The following FCHSD2 variants were observed in gnomAD, a reference collection of about 807,000 sequenced individuals.
The protein encoded by FCHSD2 is FCH and double SH3 domains 2.
A neutral mutation model predicts 108.1 loss-of-function variants in FCHSD2; 38 were observed. That is an observed-to-expected ratio of 0.35 (90% CI 0.27 to 0.46). FCHSD2 has a LOEUF of 0.46. Among genes scored for constraint, FCHSD2 ranks in the 20% least tolerant of loss-of-function variants. The pLI is 1.00. For missense variants in FCHSD2, 751 were observed against 897.8 expected (o/e 0.84, Z 2.09); for synonymous variants, 279 against 314.7 (o/e 0.89, Z 1.20).
chr11:72,937,112 A>AT (rs1856318770), intron 8 of FCHSD2, among the ~76,000 whole-genome samples: 1 of 152,234 alleles, frequency 6.6e-6, no homozygotes, highest in African/African-American at 2.4e-5. Context: ...GAGGAACAGA[A>AT]TATGAACACA....
chr11:73,081,610 T>C (rs1399822377), intron 3 of FCHSD2, among the ~76,000 whole-genome samples: 1 of 152,052 alleles, frequency 6.6e-6, no homozygotes, highest in Admixed American at 6.5e-5. Context: ...CACTGCAATC[T>C]CCGGCTCCAG....
chr11:72,981,257 A>G (rs1857211144), intron 8 of FCHSD2, among the ~76,000 whole-genome samples: 1 of 152,222 alleles, frequency 6.6e-6, no homozygotes, highest in South Asian at 2.1e-4. Flanking sequence ...CATTAAATGA[A>G]TACTCCAAAG....
chr11:72,942,680 A>T (rs538292265), intron 8 of FCHSD2, among the ~76,000 whole-genome samples: 2 of 152,364 alleles, frequency 1.3e-5, no homozygotes, highest in South Asian at 2.1e-4. Context: ...TATTAAAATT[A>T]AAAAGTATTG....
intron 5 of FCHSD2, among the ~76,000 whole-genome samples, chr11:72,994,591 C>T (rs192839956): frequency 6.6e-6 from 1 of 151,990 alleles, no homozygotes; most frequent in Non-Finnish European, 1.5e-5. Flanking sequence ...CGGTGAAACC[C>T]CGTCTCTACT....
chr11:72,959,374 C>T lies in FCHSD2; in HGVS notation c.705+24714G>A, dbSNP rs1266953204. On this transcript the variant is annotated intron_variant, in intron 8 of 19. Coordinates refer to ENST00000409418, the MANE Select transcript of FCHSD2 (RefSeq NM_014824.3). ...TCTCCCGAGTAGCTGGGACTACAGGCGCCCGCCACCATGCCCGGCTATTTT... is the reference window on the plus strand; with the variant it reads ...TCTCCCGAGTAGCTGGGACTACAGGTGCCCGCCACCATGCCCGGCTATTTT... 2.4e-4 allele frequency among the ~76,000 whole-genome samples: 37 copies of T among 151,090 alleles called. 1 individual carries two copies. The highest frequency in any genetic ancestry group is 1.4e-3 in the Admixed American group (21 of 15,206).
At chr11:73,036,577 T>A (rs908527878) in intron 3 of FCHSD2, among the ~76,000 whole-genome samples, 6 of 152,228 alleles carry the variant, frequency 3.9e-5, no homozygotes, top group Non-Finnish European at 8.8e-5. Flanking sequence ...TAAATTATAA[T>A]CATGATTACT....
intron 2 of FCHSD2, among the ~76,000 whole-genome samples, chr11:73,113,561 G>A (rs1356109270): frequency 6.6e-6 from 1 of 151,830 alleles, no homozygotes; most frequent in Non-Finnish European, 1.5e-5. Context: ...TAGAAACGGG[G>A]TTTCGCCATG....
chr11:72,935,243 A>AAATGG (rs1384811804), intron 8 of FCHSD2, among the ~76,000 whole-genome samples: 1 of 152,188 alleles, frequency 6.6e-6, no homozygotes, highest in Admixed American at 6.6e-5. Flanking sequence ...TTAGGAGGGA[A>AAATGG]AATGGGTCAT....
intron 19 of FCHSD2, 128 bp downstream of exon 19, chr11:72,840,749 T>C (rs1860899866): frequency 1.5e-6 from 1 of 666,222 alleles, no homozygotes; most frequent in Non-Finnish European, 2.6e-6. Context: ...CTTTTTACCT[T>C]CCCAAACCCA....
At chr11:72,869,644 T>A (rs1228389814) in intron 12 of FCHSD2, 1 of 152,250 alleles carries the variant, frequency 6.6e-6, no homozygotes, top group African/African-American at 2.4e-5. Flanking sequence ...GATGCTGAAG[T>A]GAGCACATAC....
intron 5 of FCHSD2, among the ~76,000 whole-genome samples, chr11:72,992,903 C>G (rs960564066): frequency 1.3e-5 from 2 of 152,170 alleles, no homozygotes; most frequent in African/African-American, 4.8e-5. Flanking sequence ...CCAAAATTGA[C>G]AAATAGGATC....
chr11:72,964,257 T>C (rs1342430212), intron 8 of FCHSD2, among the ~76,000 whole-genome samples: 1 of 152,214 alleles, frequency 6.6e-6, no homozygotes, highest in Admixed American at 6.5e-5. Context: ...GAACAACTGG[T>C]TGATGGTTCC....
intron 13 of FCHSD2, among the ~76,000 whole-genome samples, chr11:72,864,903 C>G (rs1238261567): frequency 1.3e-5 from 2 of 152,168 alleles, no homozygotes; most frequent in Non-Finnish European, 2.9e-5. Flanking sequence ...ACACCTGCAA[C>G]TGAGTAACTG....
chr11:73,098,351 T>C (rs1488499054), intron 2 of FCHSD2, among the ~76,000 whole-genome samples: 1 of 152,220 alleles, frequency 6.6e-6, no homozygotes, highest in Non-Finnish European at 1.5e-5. Flanking sequence ...TATTTGCATA[T>C]TTTCTGTCCC....
At chr11:73,046,278 C>G (rs942040964) in intron 3 of FCHSD2, among the ~76,000 whole-genome samples, 2 of 152,082 alleles carry the variant, frequency 1.3e-5, no homozygotes, top group African/African-American at 4.8e-5. Flanking sequence ...AGGTGCAAGC[C>G]ACCATCCCCA....
chr11:72,845,219 G>A (rs1350151928), intron 14 of FCHSD2, among the ~76,000 whole-genome samples: 1 of 152,100 alleles, frequency 6.6e-6, no homozygotes, highest in Non-Finnish European at 1.5e-5. Flanking sequence ...CCAGCAGTTT[G>A]AGACCGGCCT....
At chr11:73,019,163 T>C (rs760566850) in intron 3 of FCHSD2, among the ~76,000 whole-genome samples, 7 of 152,174 alleles carry the variant, frequency 4.6e-5, no homozygotes, top group Admixed American at 1.3e-4. Context: ...ACAGAACACA[T>C]CACACAGAAC....
In FCHSD2 at chr11:72,989,417, C is replaced by CA. The variant is rs201465503; in HGVS notation, c.388-321dup. 6.4e-4 allele frequency among the ~76,000 whole-genome samples: 97 copies of CA among 152,264 alleles called. 1 individual carries two copies. In the East Asian group the frequency reaches 0.012, roughly 19 times the overall value. On this transcript the variant is annotated intron_variant, in intron 5 of 19. Transcript: ENST00000409418. Reference sequence around the variant, plus strand: ...AAAATGTTCTCACTGTTGGAGATATCATGATAATAAAATCAAAAGAATAAG... The same window carrying CA: ...AAAATGTTCTCACTGTTGGAGATATCAATGATAATAAAATCAAAAGAATAAG...
chr11:73,018,085 AG>A (rs1858013914), intron 3 of FCHSD2, among the ~76,000 whole-genome samples: 1 of 152,230 alleles, frequency 6.6e-6, no homozygotes, highest in Admixed American at 6.5e-5. Context: ...TTTAAATAAT[AG>A]ATGCATTCCA....
Sources: allele counts gnomAD v4.1 joint callset (sites outside exome capture counted in the v4.1 genomes callset), GRCh38; gene constraint gnomAD v4.1.1; transcripts MANE v1.5; gene names NCBI Gene and HGNC (gene_info 2026-07-23, HGNC 2026-07-21).